ELAVL4: variants seen among roughly 807,000 people sequenced by gnomAD.
ELAVL4 encodes the protein ELAV-like protein 4.
Under a neutral mutation model 35.6 loss-of-function variants are expected in ELAVL4, and 1 was observed. The observed-to-expected ratio is 0.03, with a 90% CI of 0.01 to 0.13. The LOEUF (loss-of-function observed/expected upper bound fraction) is 0.13. Ranked by LOEUF, ELAVL4 falls within the 10% of genes least tolerant of loss-of-function variation. The pLI is 1.00. For missense variants in ELAVL4, 267 were observed against 464.9 expected, an observed-to-expected ratio of 0.57 and a Z score of 3.91; for synonymous variants, 156 against 171.0, an observed-to-expected ratio of 0.91 and a Z score of 0.69.
intron 2 of ELAVL4, 39 bp from the exon 3 acceptor site, chr1:50,177,050 C>G (rs771862432): frequency 1.3e-6 from 2 of 1,543,120 alleles, no homozygotes; most frequent in South Asian, 1.1e-5. Flanking sequence ...CTGTCTGTCT[C>G]TCTCTCCCTT....
At chr1:50,179,889 G>C (rs895279613) in intron 3 of ELAVL4, 3 of 152,220 alleles carry the variant, frequency 2.0e-5, no homozygotes, top group Non-Finnish European at 4.4e-5. Flanking sequence ...CATCGGTGGA[G>C]ACTGTAGTGA....
chr1:50,092,830 A>G (rs1421002407), intron 1 of ELAVL4, among the ~76,000 whole-genome samples: 1 of 152,230 alleles, frequency 6.6e-6, no homozygotes, highest in East Asian at 1.9e-4. Flanking sequence ...TGGAGGGCAC[A>G]GAAGTTGTTG....
chr1:50,134,799 T>G (rs1333972886), intron 1 of ELAVL4, among the ~76,000 whole-genome samples: 1 of 152,084 alleles, frequency 6.6e-6, no homozygotes, highest in African/African-American at 2.4e-5. Context: ...TATGGAGAGT[T>G]TGTTGTAAAA....
Position 50,193,695 on chromosome 1 carries a change from G to C in ELAVL4, c.355-70G>C. 3 of 1,539,124 alleles carry C rather than the reference G, an allele frequency of 1.9e-6. No homozygotes were observed. The South Asian group carries it at 3.8e-5, about 20-fold the overall frequency. ...CGGTAGATGAGGGGCTGTCATCTTG[G>C]TTGTGGACTCAGCATCTACTCTGAG... On this transcript the variant is annotated intron_variant, in intron 3 of 6. Transcript: ENST00000371824.
chr1:50,075,249 G>A (rs1393101557), intron 1 of ELAVL4, among the ~76,000 whole-genome samples: 1 of 152,142 alleles, frequency 6.6e-6, no homozygotes, highest in African/African-American at 2.4e-5. Context: ...TAGGGAATTT[G>A]CATTTTATCC....
chr1:50,077,021 G>GTT (rs1186198800), intron 1 of ELAVL4, among the ~76,000 whole-genome samples: 2 of 151,290 alleles, frequency 1.3e-5, no homozygotes, highest in Non-Finnish European at 2.9e-5. Context: ...TAAATGGGAT[G>GTT]TTTCTCTCTC....
chr1:50,177,591 G>A (rs1356386264), intron 3 of ELAVL4, among the ~76,000 whole-genome samples: 3 of 152,194 alleles, frequency 2.0e-5, no homozygotes, highest in Non-Finnish European at 4.4e-5. Context: ...AGCAGGGACA[G>A]CATATAAATA....
chr1:50,099,900 G>A (rs1307673550), upstream of ELAVL4, among the ~76,000 whole-genome samples: 1 of 152,150 alleles, frequency 6.6e-6, no homozygotes, highest in Non-Finnish European at 1.5e-5. Flanking sequence ...AGAATTTACA[G>A]GCATAGATTA....
intron 3 of ELAVL4, among the ~76,000 whole-genome samples, chr1:50,187,926 T>A (rs1241167731): frequency 6.6e-6 from 1 of 151,892 alleles, no homozygotes; most frequent in Non-Finnish European, 1.5e-5. Flanking sequence ...TGAAATCCCT[T>A]CTCTACTAAA....
chr1:50,131,569 C>G (rs1160394789), intron 1 of ELAVL4, among the ~76,000 whole-genome samples: 1 of 152,012 alleles, frequency 6.6e-6, no homozygotes, highest in East Asian at 1.9e-4. Context: ...GAGGGCTGAT[C>G]ACAAGGTCAA....
intron 1 of ELAVL4, chr1:50,144,732 T>C (rs1183689179): frequency 1.4e-6 from 1 of 735,836 alleles, no homozygotes. Context: ...CCTACTGCAT[T>C]CTAGTCTGTG....
rs1310801267 is a variant in ELAVL4, at chr1:50,063,600, C to T, written c.18+15418C>T. ...CCTCTTTCTGTAAGACCTCTTCGAG[C>T]GTTTCCACCATCACTTGGGGACTTT... On this transcript the variant is annotated intron_variant, in intron 1 of 6. Transcript: ENST00000448907. Among the ~76,000 whole-genome samples, 4 of 152,268 alleles carry T rather than the reference C, an allele frequency of 2.6e-5. No individual in the cohort carries two copies. In the East Asian group the frequency reaches 5.8e-4, roughly 22 times the overall value.
chr1:50,108,228 C>G (rs2148524519), upstream of ELAVL4, among the ~76,000 whole-genome samples: 1 of 152,234 alleles, frequency 6.6e-6, no homozygotes, highest in Admixed American at 6.5e-5. Context: ...CTCCCTTACC[C>G]CCACCATTTT....
At chr1:50,056,041 A>G (rs1663643977) in intron 1 of ELAVL4, among the ~76,000 whole-genome samples, 1 of 152,086 alleles carries the variant, frequency 6.6e-6, no homozygotes, top group Non-Finnish European at 1.5e-5. Context: ...CTGCTATTAT[A>G]AAAGGGATTT....
chr1:50,101,909 T>C (rs910356724), upstream of ELAVL4, among the ~76,000 whole-genome samples: 3 of 152,206 alleles, frequency 2.0e-5, no homozygotes, highest in Non-Finnish European at 1.5e-5. Flanking sequence ...TTGAGTAAAA[T>C]TGTGTATGTC....
chr1:50,077,901 AC>A (rs1557689876), intron 1 of ELAVL4, among the ~76,000 whole-genome samples: 1 of 152,118 alleles, frequency 6.6e-6, no homozygotes, highest in East Asian at 1.9e-4. Flanking sequence ...GTTGCTGCAC[AC>A]AGATTCCCTG....
At position 50,144,993 on chromosome 1, in the gene ELAVL4, C is replaced by T. The variant is rs755433268; in HGVS notation, c.46C>T (p.Pro16Ser). Residue 16 changes from proline (P) to serine (S), a missense_variant, in exon 2 of 7, where the codon CCG becomes TCG. Physicochemically the swap from Pro to Ser is moderately conservative, Grantham distance 74. This residue lies in a region of ELAVL4 where 51 missense variants were observed against 55.4 expected (regional missense o/e 0.92). Transcript: ENST00000371824. The part of the protein sequence containing the change: ...STMEPQVSNG[P>S]TSNTSNGPSS... Reference sequence around the variant, plus strand: ...CATGGAGCCTCAGGTGTCAAATGGTCCGACATCCAATACAAGCAATGGACC... The same window carrying T: ...CATGGAGCCTCAGGTGTCAAATGGTTCGACATCCAATACAAGCAATGGACC... 6.2e-7 allele frequency: 1 copy of T among 1,613,732 alleles called. No homozygotes were observed. Among genetic ancestry groups the T allele is most frequent in the Admixed American group, 1.7e-5 (1 of 59,966 alleles).
intron 1 of ELAVL4, among the ~76,000 whole-genome samples, chr1:50,133,342 C>T (rs148355164): frequency 5.3e-5 from 8 of 152,200 alleles, no homozygotes; most frequent in Non-Finnish European, 1.0e-4. Flanking sequence ...TCCATGTAAA[C>T]ATGTTGCCCA....
intron 1 of ELAVL4, among the ~76,000 whole-genome samples, chr1:50,093,204 C>T (rs891944170): frequency 2.0e-5 from 3 of 152,024 alleles, no homozygotes; most frequent in African/African-American, 7.2e-5. Context: ...TTTAATTTGC[C>T]CAAATGTTGT....
Sources: allele counts gnomAD v4.1 joint callset (sites outside exome capture counted in the v4.1 genomes callset), GRCh38; gene constraint gnomAD v4.1.1; regional missense constraint gnomAD v4.1.1; transcripts MANE v1.5; gene names NCBI Gene and HGNC (gene_info 2026-07-23, HGNC 2026-07-21).